ATP10B: variants seen among roughly 807,000 people sequenced by gnomAD.
ATP10B encodes ATPase phospholipid transporting 10B (putative), also known as phospholipid-transporting ATPase VB.
ATP10B carries 122 observed loss-of-function variants against 141.2 expected under a neutral mutation model. The ratio of observed to expected loss-of-function variants is 0.86; its 90% CI spans 0.75 to 1.00. The LOEUF is 1.00. Among genes scored for constraint, ATP10B ranks in the 50% least tolerant of loss-of-function variants. The pLI, the probability that ATP10B is intolerant of heterozygous loss-of-function variation, is 0.00. For synonymous variants in ATP10B, 685 were observed against 692.0 expected, an observed-to-expected ratio of 0.99 and a Z score of 0.16; for missense variants, 1,876 against 1,825.3, an observed-to-expected ratio of 1.03 and a Z score of -0.51.
At chr5:160,917,989 G>C in the ATP10B span, among the ~76,000 whole-genome samples, 1 of 152,192 alleles carries the variant, frequency 6.6e-6, no homozygotes, top group Non-Finnish European at 1.5e-5. Context: ...GGCTGCTCAA[G>C]GTTTATCTGC....
chr5:160,751,073 T>A (rs1315216011), intron 2 of ATP10B, among the ~76,000 whole-genome samples: 5 of 152,228 alleles, frequency 3.3e-5, no homozygotes, highest in Admixed American at 3.3e-4. Context: ...GCTCATGCAG[T>A]CATAGCCTGT....
intron 6 of ATP10B, among the ~76,000 whole-genome samples, chr5:160,675,522 A>AT (rs1045889263): frequency 1.8e-4 from 28 of 152,284 alleles, no homozygotes; most frequent in African/African-American, 6.7e-4. Flanking sequence ...AAGCATCTGG[A>AT]TTTTATTAAG....
chr5:160,877,069 C>G, the ATP10B span, among the ~76,000 whole-genome samples: 1 of 152,070 alleles, frequency 6.6e-6, no homozygotes, highest in East Asian at 1.9e-4. Flanking sequence ...CAAAGCCGGA[C>G]AGAGACAACC....
intron 7 of ATP10B, among the ~76,000 whole-genome samples, chr5:160,669,114 C>T (rs936048038): frequency 2.0e-5 from 3 of 152,214 alleles, no homozygotes; most frequent in Non-Finnish European, 1.5e-5. Flanking sequence ...TAAAATTGTA[C>T]TCTTTTCCCT....
chr5:160,639,925 T>G (rs1220224076), intron 10 of ATP10B, among the ~76,000 whole-genome samples: 1 of 152,272 alleles, frequency 6.6e-6, no homozygotes, highest in East Asian at 1.9e-4. Flanking sequence ...TCATCAAGCA[T>G]TTGATTCTCA....
chr5:160,747,622 G>A (rs1037043019), intron 2 of ATP10B, among the ~76,000 whole-genome samples: 20 of 152,142 alleles, frequency 1.3e-4, no homozygotes, highest in Admixed American at 1.3e-4. Context: ...GCTACCAGAA[G>A]CTGGAAGAAG....
At chr5:160,717,269 A>G (rs1250196532) in intron 2 of ATP10B, among the ~76,000 whole-genome samples, 1 of 152,230 alleles carries the variant, frequency 6.6e-6, no homozygotes, top group African/African-American at 2.4e-5. Context: ...AACTTCAACT[A>G]TATCTCTAAA....
chr5:160,621,026 GA>G, intron 14 of ATP10B, 76 bp from the exon 15 acceptor site: 1 of 1,501,712 alleles, frequency 6.7e-7, no homozygotes, highest in African/African-American at 1.4e-5. Flanking sequence ...TGCGGAATAT[GA>G]AGGTACTTTT....
chr5:160,836,078 T>C (rs1303021886), intron 1 of ATP10B, among the ~76,000 whole-genome samples: 1 of 151,966 alleles, frequency 6.6e-6, no homozygotes. Flanking sequence ...TGGGGAATGA[T>C]AGACATTAGA....
chr5:160,776,232 G>C (rs182607693), intron 2 of ATP10B, among the ~76,000 whole-genome samples: 1 of 152,146 alleles, frequency 6.6e-6, no homozygotes, highest in South Asian at 2.1e-4. Flanking sequence ...AACATAGGAG[G>C]CACCCATAAA....
At chr5:160,886,176 C>G in the ATP10B span, among the ~76,000 whole-genome samples, 1 of 152,094 alleles carries the variant, frequency 6.6e-6, no homozygotes, top group African/African-American at 2.4e-5. Flanking sequence ...GCCACAAACA[C>G]AAGTTTTATA....
chr5:160,725,307 T>C (rs1252639545), intron 2 of ATP10B, among the ~76,000 whole-genome samples: 1 of 152,196 alleles, frequency 6.6e-6, no homozygotes, highest in African/African-American at 2.4e-5. Flanking sequence ...TCTTCACTGA[T>C]TACCCTGCTT....
At chr5:160,629,832 C>T (rs1758819888) in intron 13 of ATP10B, among the ~76,000 whole-genome samples, 1 of 152,192 alleles carries the variant, frequency 6.6e-6, no homozygotes, top group African/African-American at 2.4e-5. Flanking sequence ...ACACATTAGA[C>T]TCCACGTGTG....
At chr5:160,596,916 A>G (rs1449322780) in intron 22 of ATP10B, among the ~76,000 whole-genome samples, 1 of 152,244 alleles carries the variant, frequency 6.6e-6, no homozygotes, top group East Asian at 1.9e-4. Flanking sequence ...GTGGAAGAAC[A>G]TTCCATGCTC....
At chr5:160,728,479 T>C (rs976408274) in intron 2 of ATP10B, among the ~76,000 whole-genome samples, 2 of 152,224 alleles carry the variant, frequency 1.3e-5, no homozygotes, top group African/African-American at 4.8e-5. Context: ...ACTGTGTATG[T>C]TGTCTCACAC....
the ATP10B span, among the ~76,000 whole-genome samples, chr5:160,869,750 A>C: frequency 6.6e-6 from 1 of 152,154 alleles, no homozygotes; most frequent in Non-Finnish European, 1.5e-5. Context: ...TCACAGTGGG[A>C]ACCTGGGCCA....
intron 24 of ATP10B, among the ~76,000 whole-genome samples, chr5:160,571,684 ATG>A (rs759909968): frequency 6.6e-6 from 1 of 151,880 alleles, no homozygotes. Flanking sequence ...CTGCATATGC[ATG>A]TGTGTGTGTG....
At chr5:160,837,203 G>A (rs1253675535) in intron 1 of ATP10B, among the ~76,000 whole-genome samples, 1 of 152,096 alleles carries the variant, frequency 6.6e-6, no homozygotes. Context: ...CAACTAGAAA[G>A]GTCTTAAAAG....
At position 160,820,929 on chromosome 5, in the gene ATP10B, G is replaced by C. The variant is rs376283618; in HGVS notation, c.-576+31012C>G. On this transcript the variant is annotated intron_variant, in intron 1 of 25. Coordinates refer to ENST00000327245, the MANE Select transcript of ATP10B (RefSeq NM_025153.3). ...AGCCATGTATGGCAGACCCATAGCA[G>C]GCATCATATTGAATTGAGAGAAACT... Among the ~76,000 whole-genome samples, 63 of 152,126 alleles carry C rather than the reference G, an allele frequency of 4.1e-4. 1 individual carries two copies. In the South Asian group the frequency reaches 9.1e-3, roughly 22 times the overall value.
Sources: allele counts gnomAD v4.1 joint callset (sites outside exome capture counted in the v4.1 genomes callset), GRCh38; gene constraint gnomAD v4.1.1; transcripts MANE v1.5; gene names NCBI Gene and HGNC (gene_info 2026-07-23, HGNC 2026-07-21).